Variants in CCDC178 observed in about 807,000 individuals in gnomAD.
CCDC178 encodes the protein coiled-coil domain containing 178, also known as coiled-coil domain-containing protein 178.
Under a neutral mutation model 117.4 loss-of-function variants are expected in CCDC178, and 126 were observed. The ratio of observed to expected loss-of-function variants is 1.07; its 90% CI spans 0.93 to 1.24. The LOEUF (loss-of-function observed/expected upper bound fraction) is 1.24, where lower values mean the gene tolerates loss of function less well. CCDC178 is among the 50% of genes most tolerant of loss of function. The pLI is 0.00. For missense variants in CCDC178, 1,030 were observed against 986.9 expected, an observed-to-expected ratio of 1.04 and a Z score of -0.59; for synonymous variants, 283 against 313.4, an observed-to-expected ratio of 0.90 and a Z score of 1.02.
chr18:33,088,777 T>C (rs1012086209), intron 21 of CCDC178, among the ~76,000 whole-genome samples: 6 of 152,120 alleles, frequency 3.9e-5, no homozygotes, highest in East Asian at 1.9e-4. Flanking sequence ...ATCTCAGCTA[T>C]TGGTCCAGTC....
chr18:33,363,921 C>T (rs2063163848), intron 6 of CCDC178, among the ~76,000 whole-genome samples: 1 of 152,010 alleles, frequency 6.6e-6, no homozygotes, highest in South Asian at 2.1e-4. Flanking sequence ...CTTCTGGATC[C>T]ACATCTTTTC....
chr18:33,431,463 T>C (rs1250641827), intron 2 of CCDC178, among the ~76,000 whole-genome samples: 1 of 152,212 alleles, frequency 6.6e-6, no homozygotes, highest in Non-Finnish European at 1.5e-5. Flanking sequence ...ACTATCATAC[T>C]TTTTGTTATT....
chr18:32,952,287 C>T (rs2054504027), intron 22 of CCDC178, among the ~76,000 whole-genome samples: 1 of 152,344 alleles, frequency 6.6e-6, no homozygotes. Flanking sequence ...GGGCTCTGCC[C>T]CTGCAGCAAA....
At chr18:33,408,516 T>C (rs765494697) in intron 3 of CCDC178, among the ~76,000 whole-genome samples, 7 of 151,928 alleles carry the variant, frequency 4.6e-5, no homozygotes, top group Non-Finnish European at 8.8e-5. Context: ...ATTACATTAA[T>C]ATTTATATGT....
intron 21 of CCDC178, among the ~76,000 whole-genome samples, chr18:33,023,828 A>C (rs1240373730): frequency 6.6e-6 from 1 of 152,188 alleles, no homozygotes; most frequent in Non-Finnish European, 1.5e-5. Context: ...TACATCAATA[A>C]AATTAGCAAA....
intron 20 of CCDC178, among the ~76,000 whole-genome samples, chr18:33,105,022 G>A (rs752551911): frequency 6.6e-6 from 1 of 151,596 alleles, no homozygotes; most frequent in East Asian, 1.9e-4. Context: ...TGACAGATAC[G>A]AAGAGAAGTA....
chr18:33,172,361 C>A (rs1451874925), intron 20 of CCDC178, among the ~76,000 whole-genome samples: 2 of 151,824 alleles, frequency 1.3e-5, no homozygotes, highest in African/African-American at 4.8e-5. Flanking sequence ...CCTTAAAATA[C>A]AATCATTATA....
intron 20 of CCDC178, among the ~76,000 whole-genome samples, chr18:33,137,863 G>A (rs1170601427): frequency 6.6e-6 from 1 of 152,172 alleles, no homozygotes; most frequent in African/African-American, 2.4e-5. Flanking sequence ...TAGGTCCCCT[G>A]TATTTTGCTC....
chr18:33,188,607 A>G (rs1019190857), intron 20 of CCDC178, among the ~76,000 whole-genome samples: 1 of 152,146 alleles, frequency 6.6e-6, no homozygotes, highest in African/African-American at 2.4e-5. Context: ...GGTCTCTAGG[A>G]CTAAGAGTGG....
chr18:33,040,903 G>A (rs1007807877), intron 21 of CCDC178, among the ~76,000 whole-genome samples: 1 of 151,908 alleles, frequency 6.6e-6, no homozygotes, highest in Non-Finnish European at 1.5e-5. Flanking sequence ...TGAGCATCGA[G>A]TATATGCAAT....
At chr18:32,982,162 T>C (rs1055800929) in intron 21 of CCDC178, among the ~76,000 whole-genome samples, 5 of 152,066 alleles carry the variant, frequency 3.3e-5, no homozygotes, top group African/African-American at 1.2e-4. Context: ...TTTAGAGACA[T>C]ATGGTACCAA....
chr18:33,186,814 G>A (rs1173918206), intron 20 of CCDC178, among the ~76,000 whole-genome samples: 1 of 151,992 alleles, frequency 6.6e-6, no homozygotes, highest in Admixed American at 6.6e-5. Flanking sequence ...TGACCAATAC[G>A]TTAACTGGTA....
chr18:33,312,221 C>T (rs561759593), intron 11 of CCDC178, among the ~76,000 whole-genome samples: 2 of 152,236 alleles, frequency 1.3e-5, no homozygotes, highest in East Asian at 1.9e-4. Context: ...TAAAAGATGC[C>T]TTTTAGATGC....
intron 3 of CCDC178, among the ~76,000 whole-genome samples, chr18:33,408,569 C>T (rs919220443): frequency 2.0e-5 from 3 of 151,690 alleles, no homozygotes; most frequent in Non-Finnish European, 4.4e-5. Context: ...TGAGTGAACA[C>T]CAGGTTCTAT....
intron 21 of CCDC178, among the ~76,000 whole-genome samples, chr18:32,985,677 A>G (rs2055247002): frequency 6.6e-6 from 1 of 152,084 alleles, no homozygotes; most frequent in African/African-American, 2.4e-5. Context: ...AACTAAATTG[A>G]AGATACTCAA....
chr18:33,275,294 A>G (rs1420878472), intron 12 of CCDC178, among the ~76,000 whole-genome samples: 1 of 151,918 alleles, frequency 6.6e-6, no homozygotes, highest in Non-Finnish European at 1.5e-5. Flanking sequence ...TTTAGAAAAT[A>G]TTTCAGAAAT....
intron 6 of CCDC178, among the ~76,000 whole-genome samples, chr18:33,359,850 C>A (rs1194212167): frequency 6.6e-6 from 1 of 151,230 alleles, no homozygotes; most frequent in African/African-American, 2.4e-5. Flanking sequence ...ACTTCATTTA[C>A]TTACAGCTCT....
intron 11 of CCDC178, among the ~76,000 whole-genome samples, chr18:33,303,569 A>T (rs561129479): frequency 6.6e-6 from 1 of 152,244 alleles, no homozygotes; most frequent in South Asian, 2.1e-4. Flanking sequence ...TTGGTATGGG[A>T]TGCAGACAGT....
chr18:33,158,535 AAAATTTTAGACC>A (rs1375908386), intron 20 of CCDC178, among the ~76,000 whole-genome samples: 2 of 152,098 alleles, frequency 1.3e-5, no homozygotes, highest in Admixed American at 6.5e-5. Context: ...TTAAAAAGGG[AAAATTTTAGACC>A]AATTTATATT....
Sources: allele counts gnomAD v4.1 joint callset (sites outside exome capture counted in the v4.1 genomes callset), GRCh38; gene constraint gnomAD v4.1.1; transcripts MANE v1.5; gene names NCBI Gene and HGNC (gene_info 2026-07-23, HGNC 2026-07-21).